The following TTC34 variants were observed in gnomAD, a reference collection of about 807,000 sequenced individuals.
TTC34 encodes the protein tetratricopeptide repeat protein 34.
Under a neutral mutation model 40.7 loss-of-function variants are expected in TTC34, and 44 were observed. The observed-to-expected ratio is 1.08, with a 90% confidence interval of 0.85 to 1.39. The LOEUF (loss-of-function observed/expected upper bound fraction) is 1.39, where lower values mean the gene tolerates loss of function less well. Among genes scored for constraint, TTC34 ranks in the 40% most tolerant of loss-of-function variants. The pLI, the probability that TTC34 is intolerant of heterozygous loss-of-function variation, is 0.00. For missense variants in TTC34, 884 were observed against 838.0 expected (o/e 1.05, Z -0.68); for synonymous variants, 422 against 398.6 (o/e 1.06, Z -0.70).
Position 2,698,956 on chromosome 1 carries a change from A to G in TTC34, c.2227-53393T>C, listed in dbSNP as rs866687537. Among the ~76,000 whole-genome samples, 17 of 129,826 alleles carry G rather than the reference A, an allele frequency of 1.3e-4. 2 individuals carry two copies. The highest frequency in any genetic ancestry group is 5.3e-3 in the Middle Eastern group (1 of 190). The allele number at this position is 129,826 out of a possible 152,430, so 85.2% of individuals were successfully genotyped here. Reference sequence around the variant, plus strand: ...CTCAGGTGAGCATCTGACAGCCTGGAACATCACCCTGCCCCCCCAGGTGAG... The same window carrying G: ...CTCAGGTGAGCATCTGACAGCCTGGGACATCACCCTGCCCCCCCAGGTGAG... On this transcript the variant is annotated intron_variant, in intron 6 of 8. Coordinates refer to ENST00000401095, the Ensembl canonical transcript of TTC34.
Position 2,645,382 on chromosome 1 carries a change from C to T in TTC34, c.2408G>A (p.Gly803Asp). 1.3e-6 allele frequency: 2 copies of T among 1,535,476 alleles called. No individual in the cohort carries two copies. The highest frequency in any genetic ancestry group is 1.2e-5 in the South Asian group (1 of 83,982). Residue 803 changes from glycine to aspartate, a missense_variant, in exon 7 of 9, where the codon GGC becomes GAC. Physicochemically the swap from Gly to Asp is moderately conservative, Grantham distance 94. Transcript: ENST00000401095. The surrounding 1 kb of genome is among the most constrained non-coding windows in gnomAD (Gnocchi z 4.7). ...CAGCGCCTCCCCCACAGCAAGGAGG[C>T]CCTGGGTGTCCTTGTCCTCGAGAGG...
chr1:2,674,826 G>A (rs1365770102), intron 6 of TTC34, among the ~76,000 whole-genome samples: 1 of 98,730 alleles, frequency 1.0e-5, no homozygotes, highest in Non-Finnish European at 2.4e-5. Flanking sequence ...TGATTGTCTG[G>A]AGCAGCACCC....
intron 6 of TTC34, among the ~76,000 whole-genome samples, chr1:2,749,746 A>C (rs1274712791): frequency 3.0e-3 from 32 of 10,504 alleles, no homozygotes; most frequent in South Asian, 0.01. Context: ...CATCTGACAG[A>C]CTGGAACAGC....
At chr1:2,687,218 T>A (rs1640403137) in intron 6 of TTC34, among the ~76,000 whole-genome samples, 2 of 143,616 alleles carry the variant, frequency 1.4e-5, no homozygotes, top group Non-Finnish European at 3.0e-5. Flanking sequence ...CCGGCGAGCA[T>A]CCGACAGCCT....
chr1:2,783,189 C>T lies in TTC34; in HGVS notation c.2226+420G>A, dbSNP rs116868860. On this transcript the variant is annotated intron_variant, in intron 6 of 8. Coordinates refer to ENST00000401095, the Ensembl canonical transcript of TTC34. ...CCTGTCTGTGGCAGACATGGCTGGCCGAGGCCAGCACTTACTCCCTCTGTG... is the reference window on the plus strand; with the variant it reads ...CCTGTCTGTGGCAGACATGGCTGGCTGAGGCCAGCACTTACTCCCTCTGTG... Among the ~76,000 whole-genome samples the T allele has an allele frequency of 1.0e-3, 152 of 152,278 alleles. 2 individuals are homozygous for T. In the East Asian group the frequency reaches 0.023, roughly 23 times the overall value.
chr1:2,675,359 C>T (rs1273796647), intron 6 of TTC34, among the ~76,000 whole-genome samples: 1 of 128,898 alleles, frequency 7.8e-6, no homozygotes, highest in Admixed American at 7.9e-5. Flanking sequence ...ACAGCACCCA[C>T]ACGCCCAGGT....
exon 9 of TTC34, chr1:2,641,227 G>C: frequency 1.1e-6 from 1 of 924,500 alleles, no homozygotes; most frequent in Non-Finnish European, 1.5e-6. Context: ...GGGGTGTGTG[G>C]GGAGGGCTGG....
At position 2,688,577 on chromosome 1, in the gene TTC34, G is replaced by T. The variant is rs536852466; in HGVS notation, c.2227-43014C>A. 2.0e-4 allele frequency among the ~76,000 whole-genome samples: 28 copies of T among 140,800 alleles called. 3 individuals carry two copies. The highest frequency in any genetic ancestry group is 6.3e-4 in the Admixed American group (9 of 14,280). 92.4% of individuals were successfully genotyped at this position (140,800 alleles called of 152,430 possible). On this transcript the variant is annotated intron_variant, in intron 6 of 8. Coordinates refer to ENST00000401095, the Ensembl canonical transcript of TTC34. ...CACGGAGCAGCACCCACACCTTCCG[G>T]CGCGCATCCGACAGCCTGGAGCAGC...
intron 6 of TTC34, among the ~76,000 whole-genome samples, chr1:2,695,738 C>G (rs866444764): frequency 1.8e-4 from 27 of 148,504 alleles, no homozygotes; most frequent in Admixed American, 3.3e-4. Context: ...AGCTGAAATC[C>G]TGGAACAGCA....
intron 2 of TTC34, among the ~76,000 whole-genome samples, chr1:2,791,590 C>T (rs1643664043): frequency 6.6e-6 from 1 of 152,192 alleles, no homozygotes; most frequent in Non-Finnish European, 1.5e-5. Flanking sequence ...TGCCCTGAGA[C>T]TAGCCATGCA....
chr1:2,643,154 C>T (rs1293345566), intron 8 of TTC34, among the ~76,000 whole-genome samples: 2 of 152,192 alleles, frequency 1.3e-5, no homozygotes, highest in Non-Finnish European at 2.9e-5. Flanking sequence ...GAAGGGCGCT[C>T]AATCCGACCC....
At chr1:2,787,706 C>A in exon 4 of TTC34, 1 of 1,538,052 alleles carries the variant, frequency 6.5e-7, no homozygotes. Context: ...CGCAGGCGAC[C>A]CTGTGTGGAG....
intron 6 of TTC34, among the ~76,000 whole-genome samples, chr1:2,753,059 A>T (rs1313697309): frequency 2.1e-5 from 3 of 144,514 alleles, no homozygotes; most frequent in African/African-American, 7.9e-5. Context: ...CCACACCCCC[A>T]GGTGAGCATC....
chr1:2,697,547 C>A (rs1229907539), intron 6 of TTC34, among the ~76,000 whole-genome samples: 829 of 137,670 alleles, frequency 6.0e-3, no homozygotes, highest in South Asian at 7.7e-3. Flanking sequence ...CATCTGATGG[C>A]CTGGAACCGC....
intron 6 of TTC34, among the ~76,000 whole-genome samples, chr1:2,753,775 C>A (rs1430847179): frequency 0.025 from 229 of 9,068 alleles, no homozygotes; most frequent in African/African-American, 0.031. Context: ...ACGGCACCCA[C>A]ACCCCTAGGT....
At chr1:2,750,175 C>T (rs1641268503) in intron 6 of TTC34, among the ~76,000 whole-genome samples, 8 of 152,122 alleles carry the variant, frequency 5.3e-5, no homozygotes, top group Admixed American at 2.6e-4. Context: ...CCCAGGCGAG[C>T]ATCTGACAGC....
chr1:2,643,134 C>G (rs1216503038), intron 8 of TTC34, among the ~76,000 whole-genome samples: 1 of 152,300 alleles, frequency 6.6e-6, no homozygotes, highest in South Asian at 2.1e-4. Context: ...CCCCAGGCCG[C>G]CCCAGTGGGG....
At chr1:2,642,394 T>C (rs533469249) in intron 8 of TTC34, among the ~76,000 whole-genome samples, 1 of 152,184 alleles carries the variant, frequency 6.6e-6, no homozygotes, top group South Asian at 2.1e-4. Context: ...CTGCCCACCT[T>C]CTGAAGGCTG....
chr1:2,751,286 C>A (rs1302796581), intron 6 of TTC34, among the ~76,000 whole-genome samples: 36 of 96,752 alleles, frequency 3.7e-4, no homozygotes, highest in Middle Eastern at 6.4e-3. Flanking sequence ...AGCACCCACA[C>A]ACCCAGGTGA....
Sources: gnomAD v4.1 joint callset for allele counts (sites outside exome capture counted in the v4.1 genomes callset) on GRCh38, gnomAD v4.1.1 for gene constraint, Gnocchi (gnomAD v3.1) non-coding constraint, MANE v1.5 for transcripts, NCBI Gene and HGNC (gene_info 2026-07-23, HGNC 2026-07-21) for gene names.